Variants in CLTC observed in about 807,000 individuals in gnomAD.
CLTC encodes the protein clathrin heavy chain.
Under a neutral mutation model 195.8 loss-of-function variants are expected in CLTC, and 16 were observed. The observed-to-expected ratio is 0.08, with a 90% CI of 0.06 to 0.12. CLTC has a LOEUF of 0.12. Ranked by LOEUF, CLTC falls within the 10% of genes least tolerant of loss-of-function variation. The pLI, the probability that CLTC is intolerant of heterozygous loss-of-function variation, is 1.00. For missense variants in CLTC, 796 were observed against 2,027.0 expected, an observed-to-expected ratio of 0.39 and a Z score of 11.66; for synonymous variants, 667 against 689.4, an observed-to-expected ratio of 0.97 and a Z score of 0.51.
chr17:59,654,052 C>T (rs551268057), intron 5 of CLTC, among the ~76,000 whole-genome samples: 85 of 152,022 alleles, frequency 5.6e-4, no homozygotes, highest in Admixed American at 9.8e-4. Context: ...GGATCACAGG[C>T]GTGAGCCACC....
chr17:59,632,647 A>G (rs1480621901), intron 1 of CLTC, among the ~76,000 whole-genome samples: 1 of 149,262 alleles, frequency 6.7e-6, no homozygotes, highest in Non-Finnish European at 1.5e-5. Flanking sequence ...TGTCTCAAAA[A>G]CAAACAAAAA....
chr17:59,690,815 C>G, intron 31 of CLTC, 104 bp downstream of exon 31: 1 of 825,494 alleles, frequency 1.2e-6, no homozygotes, highest in Non-Finnish European at 1.9e-6. Flanking sequence ...GTGCAAAAGG[C>G]TTTCTAAGAA....
At position 59,620,074 on chromosome 17, in the gene CLTC, G is replaced by A; in HGVS notation, c.-58G>A. The A allele has an allele frequency of 6.4e-7, 1 of 1,568,640 alleles. No homozygotes were observed. The highest frequency in any genetic ancestry group is 1.1e-5 in the South Asian group (1 of 89,848). On this transcript the variant is annotated 5_prime_UTR_variant, in exon 1 of 32. Coordinates refer to ENST00000269122, the MANE Select transcript of CLTC (RefSeq NM_004859.4). ...CTCCTCCTCTCCCTTGGAGAGCCCG[G>A]GCAGCCACTGCCCCGCAGCCCCAGT...
chr17:59,690,856 T>TGA (rs1451578648), intron 31 of CLTC, 145 bp downstream of exon 31: 3 of 518,532 alleles, frequency 5.8e-6, no homozygotes, highest in Non-Finnish European at 1.0e-5. Context: ...ATTTTTTTTC[T>TGA]GAGAAGTCAT....
chr17:59,648,348 G>A lies in CLTC; in HGVS notation c.628G>A (p.Ala210Thr), dbSNP rs762347401. ...SFAQFKMEGNAEESTLFCFAV... is the reference protein window; with the variant it reads ...SFAQFKMEGNTEESTLFCFAV... ...TGCACAGTTTAAGATGGAAGGAAAT[G>A]CAGAAGAATCAACGTTATTTTGTTT... Residue 210 changes from alanine (A) to threonine (T), a missense_variant, in exon 4 of 32, where the codon GCA (alanine) becomes ACA (threonine). Ala to Thr is a moderately conservative substitution (Grantham distance 58, BLOSUM62 0). This residue lies in a region of CLTC where 293 missense variants were observed against 795.6 expected (regional missense o/e 0.37). Coordinates refer to ENST00000269122, the MANE Select transcript of CLTC (RefSeq NM_004859.4). This position sits in a 1 kb window ranked among gnomAD's most constrained non-coding sequence, Gnocchi z 4.5. The A allele has an allele frequency of 6.2e-7, 1 of 1,614,158 alleles. No homozygotes were observed. Among genetic ancestry groups the A allele is most frequent in the Admixed American group, 1.7e-5 (1 of 60,024 alleles).
intron 31 of CLTC, 51 bp from the exon 32 acceptor site, chr17:59,693,677 C>A: frequency 6.4e-7 from 1 of 1,567,306 alleles, no homozygotes; most frequent in East Asian, 2.3e-5. Flanking sequence ...AACAGTTTGT[C>A]CTGCCTCCTT....
At chr17:59,661,116 TTATAAC>T (rs1353431000) in intron 7 of CLTC, among the ~76,000 whole-genome samples, 1 of 152,200 alleles carries the variant, frequency 6.6e-6, no homozygotes, top group African/African-American at 2.4e-5. Context: ...TGTTTTATGA[TTATAAC>T]TATTCTCTTA....
chr17:59,684,563 TGGGAGGCCAAG>T (rs2033140011), intron 28 of CLTC: 1 of 153,754 alleles, frequency 6.5e-6, no homozygotes, highest in Non-Finnish European at 1.4e-5. Context: ...CCCAGCACTT[TGGGAGGCCAAG>T]GCAGGCGGAT....
At chr17:59,671,238 T>G (rs1176622236) in intron 14 of CLTC, 1 of 152,164 alleles carries the variant, frequency 6.6e-6, no homozygotes, top group African/African-American at 2.4e-5. Flanking sequence ...TCTACATAAT[T>G]TGACATGGGA....
At chr17:59,691,233 GCTC>G (rs2033290480) in intron 31 of CLTC, among the ~76,000 whole-genome samples, 2 of 152,128 alleles carry the variant, frequency 1.3e-5, no homozygotes, top group African/African-American at 4.8e-5. Flanking sequence ...CTGAATTACT[GCTC>G]CTTTCCATTT....
intron 1 of CLTC, among the ~76,000 whole-genome samples, chr17:59,623,313 T>C (rs1349074453): frequency 6.6e-6 from 1 of 152,220 alleles, no homozygotes; most frequent in Non-Finnish European, 1.5e-5. Context: ...TTAGTTGTAC[T>C]CTCTGGAAGA....
intron 5 of CLTC, among the ~76,000 whole-genome samples, chr17:59,653,318 C>T (rs990159470): frequency 5.9e-5 from 9 of 151,464 alleles, no homozygotes; most frequent in Non-Finnish European, 1.0e-4. Context: ...CTCAGCCTCC[C>T]GAGTAGCTGG....
intron 9 of CLTC, 71 bp downstream of exon 9, chr17:59,664,065 C>A: frequency 7.9e-7 from 1 of 1,260,882 alleles, no homozygotes; most frequent in Non-Finnish European, 1.1e-6. Flanking sequence ...CCTGTATTAA[C>A]TCTTGATTAC....
At chr17:59,632,144 G>A (rs1460197594) in intron 1 of CLTC, among the ~76,000 whole-genome samples, 8 of 151,892 alleles carry the variant, frequency 5.3e-5, no homozygotes, top group Admixed American at 3.3e-4. Context: ...TGAGGCGGGC[G>A]GATCACGAGG....
Position 59,660,399 on chromosome 17 carries a change from A to G in CLTC, c.978A>G (p.Ser326=). 6.2e-7 allele frequency: 1 copy of G among 1,613,564 alleles called. No individual in the cohort carries two copies. The part of the protein sequence containing the change: ...IGVNRKGQVL[S]VCVEEENIIP... ...TATTCTTTAAATTGCAGGTTCTGTC[A>G]GTGTGTGTGGAAGAAGAAAACATAA... Residue 326 remains serine, a synonymous_variant, in exon 7 of 32, where the codon TCA becomes TCG. Coordinates refer to ENST00000269122, the MANE Select transcript of CLTC (RefSeq NM_004859.4).
At chr17:59,667,326 A>T (rs977013532) in intron 13 of CLTC, among the ~76,000 whole-genome samples, 1 of 152,192 alleles carries the variant, frequency 6.6e-6, no homozygotes, top group Non-Finnish European at 1.5e-5. Flanking sequence ...GAGCACCAAC[A>T]TAACGCTCAA....
Position 59,676,990 on chromosome 17 carries a change from T to C in CLTC, c.2598T>C (p.Ile866=), listed in dbSNP as rs1480888193. The change falls in exon 17 of 32, where the codon ATT becomes ATC. Residue 866 remains isoleucine, a synonymous_variant. Transcript: ENST00000269122. ...KLLLPWLEAR[I]HEGCEEPATH... ...TTCTGCCTTGGCTAGAGGCCAGAAT[T>C]CATGAGGGCTGTGAGGAGCCTGCTA... 1 of 1,614,104 alleles carries C rather than the reference T, an allele frequency of 6.2e-7. No individual in the cohort carries two copies. Among genetic ancestry groups the C allele is most frequent in the Admixed American group, 1.7e-5 (1 of 60,012 alleles).
rs2033112741 is a variant in CLTC, at chr17:59,683,086, C to G, written c.3874-9C>G. On this transcript the variant is annotated splice_polypyrimidine_tract_variant and intron_variant, in intron 24 of 31. Transcript: ENST00000269122. The surrounding 1 kb of genome is among the most constrained non-coding windows in gnomAD (Gnocchi z 6.1). ...TTCTTATCTTTAACTGCACATTTCT[C>G]TTGTTCAGGATCGTGGCTATTTTGA... 8 of 1,613,970 alleles carry G rather than the reference C, an allele frequency of 5.0e-6. No homozygotes were observed. Among genetic ancestry groups the G allele is most frequent in the Non-Finnish European group, 6.8e-6 (8 of 1,179,932 alleles).
At chr17:59,677,310 T>G (rs1410592703) in intron 17 of CLTC, 122 bp downstream of exon 17, 2 of 685,226 alleles carry the variant, frequency 2.9e-6, no homozygotes, top group African/African-American at 3.6e-5. Context: ...TTTTAAAACT[T>G]TATTTGGAAA....
Sources: gnomAD v4.1 joint callset for allele counts (sites outside exome capture counted in the v4.1 genomes callset) on GRCh38, gnomAD v4.1.1 for gene constraint, gnomAD v4.1.1 regional missense constraint, Gnocchi (gnomAD v3.1) non-coding constraint, MANE v1.5 for transcripts, NCBI Gene and HGNC (gene_info 2026-07-23, HGNC 2026-07-21) for gene names.